The following ETV6 variants were observed in gnomAD, a reference collection of about 807,000 sequenced individuals.
ETV6 encodes the protein ETS variant transcription factor 6.
In ETV6, 16 loss-of-function variants were observed where a neutral mutation model predicts 51.1. The ratio of observed to expected loss-of-function variants is 0.31; its 90% confidence interval spans 0.21 to 0.48. ETV6 has a LOEUF of 0.48. Among genes scored for constraint, ETV6 ranks in the 20% least tolerant of loss-of-function variants. The pLI is 0.99. For missense variants in ETV6, 458 were observed against 594.8 expected, an observed-to-expected ratio of 0.77 and a Z score of 2.39; for synonymous variants, 240 against 224.1, an observed-to-expected ratio of 1.07 and a Z score of -0.64.
chr12:11,684,097 A>G (rs1350491459), intron 1 of ETV6, among the ~76,000 whole-genome samples: 1 of 152,224 alleles, frequency 6.6e-6, no homozygotes, highest in African/African-American at 2.4e-5. Context: ...GATTCAAGGG[A>G]GTTGGCCCTG....
intron 1 of ETV6, among the ~76,000 whole-genome samples, chr12:11,666,205 T>C (rs1223304046): frequency 2.0e-5 from 3 of 152,156 alleles, no homozygotes; most frequent in Non-Finnish European, 4.4e-5. Flanking sequence ...TTGCTGAAAC[T>C]TCTCTGAGGT....
intron 2 of ETV6, among the ~76,000 whole-genome samples, chr12:11,807,867 G>A (rs1945852124): frequency 6.6e-6 from 1 of 152,110 alleles, no homozygotes; most frequent in Non-Finnish European, 1.5e-5. Context: ...GGTAACAATA[G>A]GAATTACTTC....
At chr12:11,755,084 TTGGA>T (rs759393841) in intron 2 of ETV6, among the ~76,000 whole-genome samples, 1 of 152,166 alleles carries the variant, frequency 6.6e-6, no homozygotes, top group Non-Finnish European at 1.5e-5. Flanking sequence ...TAAATATTTA[TTGGA>T]TGGATGGATG....
rs1458202519 is a variant in ETV6, at chr12:11,650,179, C to T, written c.33+19C>T. 6 of 1,610,490 alleles carry T rather than the reference C, an allele frequency of 3.7e-6. No homozygotes were observed. In the African/African-American group the frequency reaches 8.0e-5, roughly 22 times the overall value. ...CATTAAGGTAAAAATCTTCTCCCCTCCTTCTACGTGGTGGAAACCCTGAGC... is the reference window on the plus strand; with the variant it reads ...CATTAAGGTAAAAATCTTCTCCCCTTCTTCTACGTGGTGGAAACCCTGAGC... On this transcript the variant is annotated intron_variant, in intron 1 of 7. Coordinates refer to ENST00000396373, the MANE Select transcript of ETV6 (RefSeq NM_001987.5).
intron 3 of ETV6, 44 bp downstream of exon 3, chr12:11,839,348 C>T: frequency 6.3e-7 from 1 of 1,577,414 alleles, no homozygotes. Context: ...TGGAAAGTCT[C>T]TTAGTTAGTG....
At chr12:11,872,534 C>T (rs1946897011) in intron 5 of ETV6, among the ~76,000 whole-genome samples, 1 of 148,884 alleles carries the variant, frequency 6.7e-6, no homozygotes, top group Non-Finnish European at 1.5e-5. Flanking sequence ...GTCTCTGTCA[C>T]CCAGGCTGGA....
chr12:11,885,064 A>G (rs1480961874), intron 6 of ETV6, among the ~76,000 whole-genome samples: 2 of 152,230 alleles, frequency 1.3e-5, no homozygotes, highest in East Asian at 3.8e-4. Context: ...GCGATGCAAG[A>G]AGTTTGCCCC....
intron 2 of ETV6, among the ~76,000 whole-genome samples, chr12:11,786,283 T>C (rs148010850): frequency 6.6e-6 from 1 of 152,256 alleles, no homozygotes; most frequent in African/African-American, 2.4e-5. Context: ...TCTCAGGTTT[T>C]GCAATATTTT....
intron 1 of ETV6, among the ~76,000 whole-genome samples, chr12:11,665,815 G>A (rs534088167): frequency 1.3e-5 from 2 of 152,290 alleles, no homozygotes; most frequent in South Asian, 4.1e-4. Flanking sequence ...CTCCTGTGAG[G>A]CATAAGTACT....
At chr12:11,734,752 CTT>C (rs1865670631) in intron 1 of ETV6, among the ~76,000 whole-genome samples, 1 of 151,676 alleles carries the variant, frequency 6.6e-6, no homozygotes, top group South Asian at 2.1e-4. Context: ...GATGAGGAAA[CTT>C]AGGCTTGGGG....
intron 2 of ETV6, among the ~76,000 whole-genome samples, chr12:11,759,908 TG>T (rs1945059895): frequency 6.6e-6 from 1 of 152,272 alleles, no homozygotes; most frequent in African/African-American, 2.4e-5. Flanking sequence ...TTGCTTCATG[TG>T]TGAGTTACAC....
intron 2 of ETV6, among the ~76,000 whole-genome samples, chr12:11,807,270 AAG>A (rs1221285541): frequency 6.6e-6 from 1 of 152,250 alleles, no homozygotes; most frequent in African/African-American, 2.4e-5. Flanking sequence ...AAGAATTTCA[AAG>A]AGAATAAATG....
chr12:11,867,013 T>C (rs1400389809), intron 4 of ETV6, among the ~76,000 whole-genome samples: 1 of 152,230 alleles, frequency 6.6e-6, no homozygotes, highest in Non-Finnish European at 1.5e-5. Flanking sequence ...ACATGCAGCA[T>C]AGGGCAGTTA....
In ETV6 at chr12:11,681,815, C is replaced by A. The variant is rs567476888; in HGVS notation, c.33+31655C>A. ...ACTCCCATTTATGAGTGAGAACATG[C>A]AGTGTTAGGCTTTCTGTTCCTGTGT... On this transcript the variant is annotated intron_variant, in intron 1 of 7. Coordinates refer to ENST00000396373, the MANE Select transcript of ETV6 (RefSeq NM_001987.5). Among the ~76,000 whole-genome samples, 9 of 152,296 alleles carry A rather than the reference C, an allele frequency of 5.9e-5. No homozygotes were observed. The South Asian group carries it at 1.9e-3, about 32-fold the overall frequency.
chr12:11,846,617 G>T (rs77729008), intron 3 of ETV6, among the ~76,000 whole-genome samples: 1 of 151,484 alleles, frequency 6.6e-6, no homozygotes, highest in Non-Finnish European at 1.5e-5. Context: ...AAAAAAAAAA[G>T]ATGCCCTTAA....
chr12:11,666,171 G>A (rs1211981409), intron 1 of ETV6, among the ~76,000 whole-genome samples: 1 of 152,192 alleles, frequency 6.6e-6, no homozygotes, highest in Non-Finnish European at 1.5e-5. Context: ...AGTAGGGAGA[G>A]AGAACCCGGA....
At chr12:11,691,863 G>A (rs549508105) in intron 1 of ETV6, among the ~76,000 whole-genome samples, 1 of 152,192 alleles carries the variant, frequency 6.6e-6, no homozygotes, top group Non-Finnish European at 1.5e-5. Flanking sequence ...CTTTGTGTTC[G>A]TGACTCCATT....
intron 1 of ETV6, among the ~76,000 whole-genome samples, chr12:11,656,973 G>C (rs1324122442): frequency 6.6e-6 from 1 of 151,636 alleles, no homozygotes; most frequent in Middle Eastern, 3.2e-3. Context: ...ATAACAAAAG[G>C]AATCATCTTT....
chr12:11,691,259 A>G (rs1019586811), intron 1 of ETV6, among the ~76,000 whole-genome samples: 22 of 152,178 alleles, frequency 1.4e-4, no homozygotes, highest in Admixed American at 1.4e-3. Context: ...TTAGGATTTC[A>G]ACATACGAAT....
Sources: allele counts gnomAD v4.1 joint callset (sites outside exome capture counted in the v4.1 genomes callset), GRCh38; gene constraint gnomAD v4.1.1; transcripts MANE v1.5; gene names NCBI Gene and HGNC (gene_info 2026-07-23, HGNC 2026-07-21).